Variants in PIWIL2 observed in about 807,000 individuals in gnomAD.
The protein encoded by PIWIL2 is piwi-like protein 2.
PIWIL2 carries 81 observed loss-of-function variants against 116.5 expected under a neutral mutation model. That is an observed-to-expected ratio of 0.70 (90% confidence interval 0.58 to 0.84). The LOEUF (loss-of-function observed/expected upper bound fraction) is 0.84. Among genes scored for constraint, PIWIL2 ranks in the 40% least tolerant of loss-of-function variants. The pLI, the probability that PIWIL2 is intolerant of heterozygous loss-of-function variation, is 0.00. For synonymous variants in PIWIL2, 489 were observed against 429.5 expected (o/e 1.14, Z -1.71); for missense variants, 1,272 against 1,212.3 (o/e 1.05, Z -0.73).
At chr8:22,291,471 G>A (rs1026639067) in intron 10 of PIWIL2, among the ~76,000 whole-genome samples, 6 of 151,890 alleles carry the variant, frequency 4.0e-5, no homozygotes, top group South Asian at 2.1e-4. Flanking sequence ...AATTTTTAGT[G>A]GTTGCATGAA....
intron 6 of PIWIL2, among the ~76,000 whole-genome samples, chr8:22,286,386 C>T (rs764232284): frequency 3.3e-5 from 5 of 152,058 alleles, no homozygotes; most frequent in African/African-American, 4.8e-5. Context: ...GGTAAGAAAG[C>T]GGAGCTGAGC....
At chr8:22,311,345 T>A (rs1831326030) in intron 16 of PIWIL2, 45 bp downstream of exon 16, 1 of 1,453,110 alleles carries the variant, frequency 6.9e-7, no homozygotes, top group Non-Finnish European at 9.6e-7. Context: ...CCATTTTAAA[T>A]TACTTAAATA....
intron 20 of PIWIL2, among the ~76,000 whole-genome samples, chr8:22,328,826 T>TTG (rs1554503878): frequency 6.6e-6 from 1 of 150,906 alleles, no homozygotes; most frequent in Non-Finnish European, 1.5e-5. Context: ...TCGTTTTTTT[T>TTG]TTTTTTTTTT....
At chr8:22,336,702 T>TC (rs1484419020) in intron 20 of PIWIL2, among the ~76,000 whole-genome samples, 2 of 152,080 alleles carry the variant, frequency 1.3e-5, no homozygotes, top group Non-Finnish European at 2.9e-5. Flanking sequence ...GCCCAGGAGT[T>TC]CAAGACCTGC....
At chr8:22,295,962 C>A (rs139641583) in intron 10 of PIWIL2, among the ~76,000 whole-genome samples, 186 of 148,332 alleles carry the variant, frequency 1.3e-3, no homozygotes, top group Non-Finnish European at 2.3e-3. Context: ...GGCTTCAGTT[C>A]GGCTGGTTGC....
rs71544885 is a variant in PIWIL2, at chr8:22,351,440, C to CATATATATATATATATATAT, written c.2404-1495_2404-1476dup. On this transcript the variant is annotated intron_variant, in intron 20 of 22. Transcript: ENST00000356766. ...ACCTGTAAGGAACAGTGCATACATA[C>CATATATATATATATATATAT]ATATATATATATATATATATATATA... 6.6e-4 allele frequency among the ~76,000 whole-genome samples: 35 copies of CATATATATATATATATATAT among 52,922 alleles called. 1 individual carries two copies. Among genetic ancestry groups the CATATATATATATATATATAT allele is most frequent in the Non-Finnish European group, 1.1e-3 (27 of 25,532 alleles). The allele number at this position is 52,922 out of a possible 152,430, so 34.7% of individuals were successfully genotyped here. A position where few individuals can be genotyped will look rare whatever the true frequency, so the allele number is the denominator to read the frequency against.
chr8:22,344,112 A>C (rs550724532), intron 20 of PIWIL2, among the ~76,000 whole-genome samples: 1 of 152,366 alleles, frequency 6.6e-6, no homozygotes, highest in East Asian at 1.9e-4. Context: ...GCTCAGTGAA[A>C]GATGGTAATC....
chr8:22,308,296 A>G (rs565302823), intron 14 of PIWIL2, among the ~76,000 whole-genome samples: 1 of 151,136 alleles, frequency 6.6e-6, no homozygotes, highest in East Asian at 1.9e-4. Context: ...GCTGCCTGAT[A>G]CTTTTTATTA....
intron 20 of PIWIL2, 105 bp from the exon 21 acceptor site, chr8:22,352,854 G>A (rs1340308391): frequency 8.6e-7 from 1 of 1,165,978 alleles, no homozygotes; most frequent in Non-Finnish European, 1.2e-6. Flanking sequence ...AACTGCAAAA[G>A]GATCTGCCAT....
chr8:22,332,749 C>A (rs1033637198), intron 20 of PIWIL2, among the ~76,000 whole-genome samples: 2 of 152,068 alleles, frequency 1.3e-5, no homozygotes, highest in African/African-American at 4.8e-5. Context: ...CTGAAAATAA[C>A]TTTCACTAGT....
intron 20 of PIWIL2, among the ~76,000 whole-genome samples, chr8:22,334,283 A>G (rs1293240228): frequency 6.6e-6 from 1 of 151,716 alleles, no homozygotes; most frequent in Non-Finnish European, 1.5e-5. Flanking sequence ...CCCTGGGTAC[A>G]AGGTTCTTTT....
intron 16 of PIWIL2, among the ~76,000 whole-genome samples, chr8:22,313,833 T>C (rs1831390162): frequency 6.6e-6 from 1 of 152,238 alleles, no homozygotes; most frequent in Non-Finnish European, 1.5e-5. Context: ...GAGTGGCTGC[T>C]CATGAATTTG....
chr8:22,293,474 G>C (rs1029925902), intron 10 of PIWIL2, among the ~76,000 whole-genome samples: 1 of 152,050 alleles, frequency 6.6e-6, no homozygotes, highest in Non-Finnish European at 1.5e-5. Context: ...CTGAGTAGTT[G>C]CCACCACACC....
chr8:22,284,396 T>C (rs1337906705), intron 6 of PIWIL2, 124 bp downstream of exon 6: 1 of 517,862 alleles, frequency 1.9e-6, no homozygotes, highest in African/African-American at 2.0e-5. Flanking sequence ...ATAATGTGTT[T>C]ACTCAGATCC....
At chr8:22,284,856 A>C in intron 6 of PIWIL2, among the ~76,000 whole-genome samples, 1 of 152,146 alleles carries the variant, frequency 6.6e-6, no homozygotes, top group East Asian at 1.9e-4. Context: ...TTCTCTCTTA[A>C]TATCTTAGAG....
intron 4 of PIWIL2, 69 bp from the exon 5 acceptor site, chr8:22,282,964 TG>T: frequency 8.5e-7 from 1 of 1,176,366 alleles, no homozygotes; most frequent in Non-Finnish European, 1.3e-6. Flanking sequence ...ATTGTGGAGT[TG>T]GGGGAATAAT....
At chr8:22,284,422 G>T in intron 6 of PIWIL2, 150 bp downstream of exon 6, 2 of 471,136 alleles carry the variant, frequency 4.2e-6, no homozygotes, top group South Asian at 4.0e-5. Flanking sequence ...GGAAGTTTAA[G>T]GTTAATCTTA....
At chr8:22,312,608 A>G (rs1831360070) in intron 16 of PIWIL2, among the ~76,000 whole-genome samples, 1 of 152,100 alleles carries the variant, frequency 6.6e-6, no homozygotes, top group African/African-American at 2.4e-5. Context: ...ATCATTCACA[A>G]CAGCACACTT....
In PIWIL2 at chr8:22,314,342, G is replaced by T. The variant is rs1284417154; in HGVS notation, c.2004G>T (p.Met668Ile). 9 of 1,558,508 alleles carry T rather than the reference G, an allele frequency of 5.8e-6. No individual in the cohort carries two copies. The highest frequency in any genetic ancestry group is 7.8e-6 in the Non-Finnish European group (9 of 1,148,840). ...ATCTCCTCAAGGGGAAGATACAGAT[G>T]GTTGTTTGCATCATCATGGGCCCAC... ...STLGAEGKIQ[M>I]VVCIIMGPRD... is the part of the protein sequence containing the mutation. The change falls in exon 17 of 23, where the codon ATG (methionine) becomes ATT (isoleucine). Residue 668 changes from methionine (M) to isoleucine (I), a missense_variant. Transcript: ENST00000356766.
Sources: allele counts gnomAD v4.1 joint callset (sites outside exome capture counted in the v4.1 genomes callset), GRCh38; gene constraint gnomAD v4.1.1; transcripts MANE v1.5; gene names NCBI Gene and HGNC (gene_info 2026-07-23, HGNC 2026-07-21).